The following ATP10B variants were observed in gnomAD, a reference collection of about 807,000 sequenced individuals.
The protein encoded by ATP10B is ATPase phospholipid transporting 10B (putative).
ATP10B carries 122 observed loss-of-function variants against 141.2 expected under a neutral mutation model. The ratio of observed to expected loss-of-function variants is 0.86; its 90% CI spans 0.75 to 1.00. The LOEUF is 1.00. ATP10B is among the 50% of genes least tolerant of loss of function. The probability of loss-of-function intolerance (pLI) is 0.00; values close to 1 mark genes in which losing one functional copy is unlikely to be tolerated. For synonymous variants in ATP10B, 685 were observed against 692.0 expected (o/e 0.99, Z 0.16); for missense variants, 1,876 against 1,825.3 (o/e 1.03, Z -0.51).
intron 8 of ATP10B, among the ~76,000 whole-genome samples, chr5:160,644,887 G>T (rs1760161367): frequency 1.3e-5 from 2 of 152,140 alleles, no homozygotes; most frequent in Non-Finnish European, 2.9e-5. Flanking sequence ...GGAGGCCGAG[G>T]CAGGTGGATC....
chr5:160,834,770 C>A (rs904433685), intron 1 of ATP10B, among the ~76,000 whole-genome samples: 1 of 152,118 alleles, frequency 6.6e-6, no homozygotes, highest in Non-Finnish European at 1.5e-5. Context: ...TTCTTCCCCA[C>A]AGATTTCTAG....
At chr5:160,629,218 T>C (rs997325622) in intron 13 of ATP10B, among the ~76,000 whole-genome samples, 2 of 133,812 alleles carry the variant, frequency 1.5e-5, no homozygotes, top group Non-Finnish European at 3.2e-5. Context: ...CTGTCAGGAG[T>C]GGGTGGGGGT....
upstream of ATP10B, among the ~76,000 whole-genome samples, chr5:160,855,985 A>G (rs1753987923): frequency 6.6e-6 from 1 of 151,910 alleles, no homozygotes; most frequent in African/African-American, 2.4e-5. Flanking sequence ...GACTATAATC[A>G]TATAAATCTT....
chr5:160,729,939 T>C (rs1268177947), intron 2 of ATP10B, among the ~76,000 whole-genome samples: 1 of 152,150 alleles, frequency 6.6e-6, no homozygotes, highest in African/African-American at 2.4e-5. Flanking sequence ...GAAGGATATC[T>C]ATGAAGCTAT....
chr5:160,780,190 TGA>T (rs1294618873), intron 2 of ATP10B, among the ~76,000 whole-genome samples: 1 of 152,022 alleles, frequency 6.6e-6, no homozygotes. Flanking sequence ...TAGAGGAGGG[TGA>T]GAGAGACTGA....
chr5:160,708,041 A>T (rs188178251), intron 3 of ATP10B, among the ~76,000 whole-genome samples: 292 of 152,154 alleles, frequency 1.9e-3, no homozygotes, highest in Middle Eastern at 6.8e-3. Flanking sequence ...TTAAACCTCA[A>T]TTGTTGGCAA....
At chr5:160,594,166 C>G (rs1194411778) in intron 22 of ATP10B, among the ~76,000 whole-genome samples, 1 of 152,166 alleles carries the variant, frequency 6.6e-6, no homozygotes, top group Non-Finnish European at 1.5e-5. Context: ...CAAAGGGAAG[C>G]CCATCAGACT....
the ATP10B span, among the ~76,000 whole-genome samples, chr5:160,879,321 GTGGGAATTGAACAA>G: frequency 1.0e-5 from 1 of 96,778 alleles, no homozygotes; most frequent in Non-Finnish European, 2.1e-5. Context: ...TCACTCATAG[GTGGGAATTGAACAA>G]TGAGATCACA....
intron 1 of ATP10B, among the ~76,000 whole-genome samples, chr5:160,814,884 T>G (rs1042358862): frequency 2.6e-5 from 4 of 152,144 alleles, no homozygotes; most frequent in Admixed American, 6.5e-5. Flanking sequence ...CCAGCCAAAC[T>G]AAGCTTCATA....
chr5:160,928,534 C>T, the ATP10B span, among the ~76,000 whole-genome samples: 1 of 152,054 alleles, frequency 6.6e-6, no homozygotes, highest in Non-Finnish European at 1.5e-5. Flanking sequence ...ATCAGTAAAC[C>T]CTCATTGGCT....
chr5:160,911,777 G>C, the ATP10B span, among the ~76,000 whole-genome samples: 1 of 152,164 alleles, frequency 6.6e-6, no homozygotes, highest in Admixed American at 6.5e-5. Context: ...TCCACCTGCA[G>C]GGACCATCTC....
chr5:160,841,718 T>C (rs183596046), intron 1 of ATP10B, among the ~76,000 whole-genome samples: 121 of 152,186 alleles, frequency 8.0e-4, no homozygotes, highest in South Asian at 1.2e-3. Flanking sequence ...TAGGATTTCT[T>C]TTTATTTAAT....
In ATP10B at chr5:160,632,386, G is replaced by A; in HGVS notation, c.1382-19C>T. On this transcript the variant is annotated intron_variant, in intron 12 of 25. Coordinates refer to ENST00000327245, the MANE Select transcript of ATP10B (RefSeq NM_025153.3). ...CGCTTAGCTGCAAGAAAGGAGTCCT[G>A]TTATTGCACTAGTTGTACCTCGGCT... 6.2e-7 allele frequency: 1 copy of A among 1,605,044 alleles called. No individual in the cohort carries two copies. The highest frequency in any genetic ancestry group is 8.5e-7 in the Non-Finnish European group (1 of 1,171,918).
chr5:160,850,893 G>C (rs1299014302), intron 1 of ATP10B, among the ~76,000 whole-genome samples: 1 of 152,206 alleles, frequency 6.6e-6, no homozygotes, highest in African/African-American at 2.4e-5. Context: ...TGGATGAAAT[G>C]ACAAACTCAG....
intron 12 of ATP10B, chr5:160,632,899 T>C (rs1759043730): frequency 6.6e-6 from 1 of 152,250 alleles, no homozygotes. Flanking sequence ...CTTCAAAAAA[T>C]GGGTGAAGGA....
At chr5:160,914,010 CAT>C in the ATP10B span, among the ~76,000 whole-genome samples, 3 of 152,194 alleles carry the variant, frequency 2.0e-5, no homozygotes, top group African/African-American at 7.2e-5. Flanking sequence ...AATCATTTAT[CAT>C]AATTTGTTAA....
the ATP10B span, among the ~76,000 whole-genome samples, chr5:160,877,214 G>A: frequency 1.3e-5 from 2 of 151,954 alleles, no homozygotes; most frequent in Admixed American, 6.6e-5. Context: ...TCCCTAGGAT[G>A]CAAGGCTGGT....
chr5:160,812,198 A>G (rs1473888358), intron 1 of ATP10B, among the ~76,000 whole-genome samples: 2 of 152,242 alleles, frequency 1.3e-5, no homozygotes, highest in African/African-American at 2.4e-5. Flanking sequence ...TAAGAACCAC[A>G]GTGTTATTGG....
intron 11 of ATP10B, 124 bp downstream of exon 11, chr5:160,636,058 A>G: frequency 2.7e-6 from 3 of 1,111,852 alleles, no homozygotes; most frequent in Admixed American, 2.8e-5. Context: ...AGCGATGACC[A>G]TCTCCTCATC....
Sources: gnomAD v4.1 joint callset for allele counts (sites outside exome capture counted in the v4.1 genomes callset) on GRCh38, gnomAD v4.1.1 for gene constraint, MANE v1.5 for transcripts, NCBI Gene and HGNC (gene_info 2026-07-23, HGNC 2026-07-21) for gene names.